The following GPC5 variants were observed in gnomAD, a reference collection of about 807,000 sequenced individuals.
GPC5 encodes glypican-5.
In GPC5, 47 loss-of-function variants were observed where a neutral mutation model predicts 53.9. The observed-to-expected ratio is 0.87, with a 90% CI of 0.69 to 1.11. The LOEUF (loss-of-function observed/expected upper bound fraction) is 1.11. Ranked by LOEUF, GPC5 falls within the 50% of genes most tolerant of loss-of-function variation. GPC5 has a pLI of 0.00. For synonymous variants in GPC5, 286 were observed against 263.3 expected (o/e 1.09, Z -0.84); for missense variants, 748 against 713.1 (o/e 1.05, Z -0.56).
chr13:92,476,364 G>C (rs978169486), intron 7 of GPC5, among the ~76,000 whole-genome samples: 1 of 151,626 alleles, frequency 6.6e-6, no homozygotes, highest in African/African-American at 2.4e-5. Flanking sequence ...ACACCAGTTA[G>C]AATGGCAATC....
At chr13:92,427,872 G>A (rs1239032978) in intron 7 of GPC5, among the ~76,000 whole-genome samples, 1 of 152,132 alleles carries the variant, frequency 6.6e-6, no homozygotes. Context: ...TAAGGAAGAA[G>A]TGTTTGCCAA....
intron 7 of GPC5, among the ~76,000 whole-genome samples, chr13:92,541,044 C>CA (rs1201614638): frequency 6.6e-6 from 1 of 151,662 alleles, no homozygotes; most frequent in East Asian, 1.9e-4. Flanking sequence ...TAAATAAGGA[C>CA]ATATACATGT....
At chr13:92,829,421 T>C (rs1877971237) in intron 7 of GPC5, among the ~76,000 whole-genome samples, 1 of 152,198 alleles carries the variant, frequency 6.6e-6, no homozygotes, top group South Asian at 2.1e-4. Flanking sequence ...CAGAAATCAT[T>C]AAAGATTCAT....
chr13:91,698,607 A>G (rs2035931726), intron 3 of GPC5, among the ~76,000 whole-genome samples: 1 of 152,224 alleles, frequency 6.6e-6, no homozygotes, highest in South Asian at 2.1e-4. Flanking sequence ...TTGCAAAAAT[A>G]AGTACTAGAG....
chr13:91,829,975 A>AT (rs1049651194), intron 5 of GPC5, among the ~76,000 whole-genome samples: 1 of 152,088 alleles, frequency 6.6e-6, no homozygotes, highest in Non-Finnish European at 1.5e-5. Context: ...TTCAGGCACC[A>AT]TTGTCATTGA....
intron 6 of GPC5, among the ~76,000 whole-genome samples, chr13:92,072,656 C>A (rs1310841726): frequency 6.6e-6 from 1 of 151,478 alleles, no homozygotes; most frequent in Non-Finnish European, 1.5e-5. Flanking sequence ...TCATTTCATC[C>A]CCCACCTCCC....
At chr13:92,020,321 G>A (rs79594018) in intron 6 of GPC5, among the ~76,000 whole-genome samples, 7 of 152,086 alleles carry the variant, frequency 4.6e-5, no homozygotes. Flanking sequence ...CAGACCTGGG[G>A]ATTAGGAAGG....
intron 7 of GPC5, among the ~76,000 whole-genome samples, chr13:92,421,678 C>G (rs543995159): frequency 2.1e-3 from 260 of 124,898 alleles, no homozygotes; most frequent in Non-Finnish European, 3.2e-3. Flanking sequence ...CAGCCTGTGC[C>G]ACAGAGCAAG....
At chr13:91,718,342 C>T (rs991396111) in intron 3 of GPC5, among the ~76,000 whole-genome samples, 3 of 152,008 alleles carry the variant, frequency 2.0e-5, no homozygotes, top group African/African-American at 7.3e-5. Flanking sequence ...AATCTCCTGA[C>T]CTCGTGATCC....
chr13:92,080,083 G>T (rs9516009), intron 6 of GPC5, among the ~76,000 whole-genome samples: 3 of 152,020 alleles, frequency 2.0e-5, no homozygotes, highest in African/African-American at 7.3e-5. Flanking sequence ...CAGAATTGGA[G>T]GCTATTAACT....
chr13:92,625,788 A>G (rs1307100684), intron 7 of GPC5, among the ~76,000 whole-genome samples: 2 of 152,190 alleles, frequency 1.3e-5, no homozygotes, highest in Non-Finnish European at 2.9e-5. Flanking sequence ...AATTAAGTGT[A>G]GGCATAGGAC....
At chr13:91,861,167 A>C (rs1176977296) in intron 5 of GPC5, among the ~76,000 whole-genome samples, 1 of 152,190 alleles carries the variant, frequency 6.6e-6, no homozygotes, top group East Asian at 1.9e-4. Context: ...TTCAATACAC[A>C]AGAAAACAAT....
At chr13:92,184,240 A>G (rs1023407503) in intron 7 of GPC5, among the ~76,000 whole-genome samples, 2 of 152,154 alleles carry the variant, frequency 1.3e-5, no homozygotes, top group Non-Finnish European at 2.9e-5. Flanking sequence ...ATCTCTCATT[A>G]ATTATATATA....
Position 92,542,588 on chromosome 13 carries a change from A to T in GPC5, c.1562-323694A>T, listed in dbSNP as rs79848114. On this transcript the variant is annotated intron_variant, in intron 7 of 7. Coordinates refer to ENST00000377067, the MANE Select transcript of GPC5 (RefSeq NM_004466.6). ...TTTGCTCTACCAATGAGTTTTATAT[A>T]CTTTTGCATTTTTTCACGATGTTAA... Among the ~76,000 whole-genome samples, 708 of 151,910 alleles carry T rather than the reference A, an allele frequency of 4.7e-3. 5 individuals carry two copies. The highest frequency in any genetic ancestry group is 0.016 in the African/African-American group (655 of 41,436).
intron 2 of GPC5, among the ~76,000 whole-genome samples, chr13:91,670,220 A>G (rs938915664): frequency 6.6e-6 from 1 of 152,198 alleles, no homozygotes; most frequent in African/African-American, 2.4e-5. Flanking sequence ...CTCTCTGATA[A>G]TAGAGAAACA....
chr13:92,561,928 C>T (rs1882710474), intron 7 of GPC5, among the ~76,000 whole-genome samples: 1 of 151,960 alleles, frequency 6.6e-6, no homozygotes, highest in African/African-American at 2.4e-5. Context: ...ACTGTTGTGA[C>T]CGAAGAGATC....
intron 6 of GPC5, among the ~76,000 whole-genome samples, chr13:92,104,453 C>T (rs141003002): frequency 4.4e-4 from 67 of 152,248 alleles, no homozygotes; most frequent in African/African-American, 1.5e-3. Flanking sequence ...TTTTATCTTT[C>T]CGGAAATCCT....
intron 7 of GPC5, among the ~76,000 whole-genome samples, chr13:92,602,840 T>C (rs1239950287): frequency 2.7e-5 from 4 of 148,824 alleles, no homozygotes; most frequent in Non-Finnish European, 5.9e-5. Context: ...CTTATAGTCA[T>C]AGTTTTGATT....
rs970853421 is a variant in GPC5, at chr13:91,756,425, T to C, written c.1280+5T>C. The C allele has an allele frequency of 1.3e-6, 2 of 1,568,138 alleles. No individual in the cohort carries two copies. The highest frequency in any genetic ancestry group is 1.4e-5 in the African/African-American group (1 of 73,944). On this transcript the variant is annotated splice_donor_5th_base_variant and intron_variant, in intron 5 of 7. Transcript: ENST00000377067. ...TGGAGAAGATATAGTAAAAAGGTAT[T>C]TTATGTGGTCTGTGAAAACCTACTA...
Sources: allele counts gnomAD v4.1 joint callset (sites outside exome capture counted in the v4.1 genomes callset), GRCh38; gene constraint gnomAD v4.1.1; transcripts MANE v1.5; gene names NCBI Gene and HGNC (gene_info 2026-07-23, HGNC 2026-07-21).